MYPN: variants seen among roughly 807,000 people sequenced by gnomAD.
MYPN encodes myopalladin.
In MYPN, 63 loss-of-function variants were observed where a neutral mutation model predicts 129.4. The observed-to-expected ratio is 0.49, with a 90% CI of 0.40 to 0.60. MYPN has a LOEUF of 0.60. Among genes scored for constraint, MYPN ranks in the 20% least tolerant of loss-of-function variants. The pLI is 0.00. For missense variants in MYPN, 1,596 were observed against 1,635.4 expected, an observed-to-expected ratio of 0.98 and a Z score of 0.42; for synonymous variants, 629 against 600.9, an observed-to-expected ratio of 1.05 and a Z score of -0.68.
chr10:68,158,554 A>G lies in MYPN; in HGVS notation c.1386A>G (p.Pro462=), dbSNP rs558358296. The G allele has an allele frequency of 1.9e-6, 3 of 1,613,476 alleles. No individual in the cohort carries two copies. The highest frequency in any genetic ancestry group is 1.7e-5 in the Admixed American group (1 of 60,024). Residue 462 remains proline, a synonymous_variant, in exon 7 of 20, where the codon CCA becomes CCG. Coordinates refer to ENST00000358913, the MANE Select transcript of MYPN (RefSeq NM_032578.4). ...TTGAATGCAGAGTAAAAGGAGCTCC[A>G]TCTCCTAAGGTTGAGTGGTATAGAG... ...VVFECRVKGA[P]SPKVEWYREG...
chr10:68,120,727 TAA>T (rs892596851), intron 1 of MYPN, among the ~76,000 whole-genome samples: 1 of 152,174 alleles, frequency 6.6e-6, no homozygotes, highest in African/African-American at 2.4e-5. Flanking sequence ...ACATTCAAGG[TAA>T]AGAGGAGAGG....
rs190432552 is a variant in MYPN at position 68,175,530 on chromosome 10, T to C, written c.2703+69T>C. 22 of 1,561,104 alleles carry C rather than the reference T, an allele frequency of 1.4e-5. No individual in the cohort carries two copies. The East Asian group carries it at 4.3e-4, about 30-fold the overall frequency. On this transcript the variant is annotated intron_variant, in intron 12 of 19. Coordinates refer to ENST00000358913, the MANE Select transcript of MYPN (RefSeq NM_032578.4). The stretch of plus-strand genomic sequence containing the variant: ...AGGAATTTAATTTTGCTTGATTCAG[T>C]CCTCGGATACTCAGGTAACCTCAGT...
intron 1 of MYPN, among the ~76,000 whole-genome samples, chr10:68,099,842 G>C (rs2041973780): frequency 2.0e-5 from 3 of 152,100 alleles, no homozygotes. Context: ...TCTCCATCTT[G>C]TTACTCTGCA....
At chr10:68,169,181 TAAAAAAAAAAAAA>T (rs59317396) in intron 10 of MYPN, among the ~76,000 whole-genome samples, 10 of 91,084 alleles carry the variant, frequency 1.1e-4, no homozygotes, top group African/African-American at 6.0e-4. Context: ...CCGTCTCTAC[TAAAAAAAAAAAAA>T]AAAAAAAAAA....
chr10:68,166,568 C>G lies in MYPN; in HGVS notation c.1875C>G (p.Pro625=), dbSNP rs2673793. The G allele has an allele frequency of 5.6e-6, 9 of 1,613,928 alleles. No individual in the cohort carries two copies. Among genetic ancestry groups the G allele is most frequent in the Non-Finnish European group, 7.6e-6 (9 of 1,179,962 alleles). ...AGVVTTRQTR[P]DSFQERFNGQ... ...TGGTGACCACCAGACAGACCAGGCC[C>G]GATTCTTTCCAGGAGAGGTTCAACG... Residue 625 remains proline, a synonymous_variant, in exon 10 of 20, where the codon CCC becomes CCG. Transcript: ENST00000358913.
intron 12 of MYPN, among the ~76,000 whole-genome samples, chr10:68,180,962 G>A (rs1345777685): frequency 6.6e-6 from 1 of 152,188 alleles, no homozygotes; most frequent in Non-Finnish European, 1.5e-5. Context: ...TTCTTCTGAA[G>A]TAAATATTTT....
At chr10:68,156,088 A>C (rs1291946433) in intron 6 of MYPN, among the ~76,000 whole-genome samples, 1 of 152,224 alleles carries the variant, frequency 6.6e-6, no homozygotes, top group African/African-American at 2.4e-5. Flanking sequence ...TCTGAGCTCA[A>C]CTTTAGGCCA....
At chr10:68,150,515 G>T (rs914728572) in intron 6 of MYPN, among the ~76,000 whole-genome samples, 5 of 151,778 alleles carry the variant, frequency 3.3e-5, no homozygotes, top group African/African-American at 7.3e-5. Context: ...TTAACATAAA[G>T]CCTCCCTCCC....
At chr10:68,171,744 G>T (rs548069519) in intron 10 of MYPN, among the ~76,000 whole-genome samples, 3 of 152,234 alleles carry the variant, frequency 2.0e-5, no homozygotes, top group Non-Finnish European at 4.4e-5. Context: ...TTCCAAGTCA[G>T]TGATGCACTG....
In MYPN at chr10:68,109,842, A is replaced by G. The variant is rs541476680; in HGVS notation, c.-2+119A>G. ...GAAATGAAACCTAGGATAACTGTCT[A>G]ATTACATATGACGGGACACGAAATT... On this transcript the variant is annotated intron_variant, in intron 1 of 19. Transcript: ENST00000358913. 10 of 363,530 alleles carry G rather than the reference A, an allele frequency of 2.8e-5. No homozygotes were observed. In the Admixed American group the frequency reaches 2.9e-4, roughly 10 times the overall value. 22.5% of individuals were successfully genotyped at this position (363,530 alleles called of 1,614,324 possible).
At chr10:68,149,625 T>C (rs901626237) in intron 5 of MYPN, among the ~76,000 whole-genome samples, 2 of 152,206 alleles carry the variant, frequency 1.3e-5, no homozygotes, top group Admixed American at 1.3e-4. Context: ...TGATGATCAA[T>C]GTATTTAAAT....
chr10:68,141,081 A>C (rs572956280), intron 2 of MYPN, among the ~76,000 whole-genome samples: 2 of 144,230 alleles, frequency 1.4e-5, no homozygotes, highest in South Asian at 2.1e-4. Context: ...CCACCCCCCC[A>C]AAAAAAGGGC....
At chr10:68,204,394 T>C (rs1442607266) in intron 18 of MYPN, among the ~76,000 whole-genome samples, 1 of 152,164 alleles carries the variant, frequency 6.6e-6, no homozygotes, top group Non-Finnish European at 1.5e-5. Flanking sequence ...CCCTATTCAA[T>C]ACCCCTCCTC....
intron 1 of MYPN, among the ~76,000 whole-genome samples, chr10:68,091,314 C>T (rs1033877839): frequency 1.3e-5 from 2 of 150,100 alleles, no homozygotes; most frequent in Admixed American, 6.7e-5. Flanking sequence ...TCTATTACCT[C>T]TTAAGATATA....
At chr10:68,117,586 G>C (rs917879563) in intron 1 of MYPN, among the ~76,000 whole-genome samples, 3 of 152,096 alleles carry the variant, frequency 2.0e-5, no homozygotes, top group South Asian at 2.1e-4. Context: ...TCCAAGCAAA[G>C]AGAATACAAA....
intron 5 of MYPN, 27 bp downstream of exon 5, chr10:68,148,494 T>C: frequency 6.4e-7 from 1 of 1,557,000 alleles, no homozygotes; most frequent in East Asian, 2.2e-5. Context: ...GAAACACAAG[T>C]GCCATCCACT....
intron 1 of MYPN, among the ~76,000 whole-genome samples, chr10:68,088,262 A>G (rs1400782598): frequency 6.6e-6 from 1 of 152,146 alleles, no homozygotes. Flanking sequence ...GTGTCCTAGA[A>G]AAATCTTTAA....
intron 11 of MYPN, among the ~76,000 whole-genome samples, chr10:68,175,014 G>C (rs1404134176): frequency 6.6e-6 from 1 of 152,062 alleles, no homozygotes; most frequent in African/African-American, 2.4e-5. Flanking sequence ...GTGCATGCCT[G>C]TAATCCCAGC....
At chr10:68,089,591 C>T (rs940198234) in intron 1 of MYPN, among the ~76,000 whole-genome samples, 2 of 152,122 alleles carry the variant, frequency 1.3e-5, no homozygotes, top group African/African-American at 4.8e-5. Flanking sequence ...ATGATTCGCC[C>T]GCTTCAGGCT....
Sources: allele counts gnomAD v4.1 joint callset (sites outside exome capture counted in the v4.1 genomes callset), GRCh38; gene constraint gnomAD v4.1.1; transcripts MANE v1.5; gene names NCBI Gene and HGNC (gene_info 2026-07-23, HGNC 2026-07-21).